Variants in GRIN2A observed in about 807,000 individuals in gnomAD.
The protein encoded by GRIN2A is glutamate receptor ionotropic, NMDA 2A.
In GRIN2A, 22 loss-of-function variants were observed where a neutral mutation model predicts 113.4. That is an observed-to-expected ratio of 0.19 (90% confidence interval 0.14 to 0.28). The LOEUF is 0.28. Ranked by LOEUF, GRIN2A falls within the 10% of genes least tolerant of loss-of-function variation. The pLI is 1.00. For missense variants in GRIN2A, 1,502 were observed against 1,887.0 expected, an observed-to-expected ratio of 0.80 and a Z score of 3.78; for synonymous variants, 827 against 738.4, an observed-to-expected ratio of 1.12 and a Z score of -1.94.
At chr16:10,167,495 G>C (rs2049948727) in intron 2 of GRIN2A, among the ~76,000 whole-genome samples, 1 of 152,104 alleles carries the variant, frequency 6.6e-6, no homozygotes, top group Non-Finnish European at 1.5e-5. Context: ...AGGGATTGTA[G>C]TTTAAGAGAA....
chr16:9,855,205 C>CT (rs1427407073), intron 4 of GRIN2A, among the ~76,000 whole-genome samples: 2 of 152,146 alleles, frequency 1.3e-5, no homozygotes, highest in Admixed American at 6.5e-5. Context: ...CTTGTCACTG[C>CT]TTTAGCCATG....
intron 2 of GRIN2A, among the ~76,000 whole-genome samples, chr16:10,138,076 G>C (rs1478871866): frequency 2.6e-5 from 4 of 152,190 alleles, no homozygotes; most frequent in African/African-American, 9.7e-5. Flanking sequence ...CCCTAGTTCT[G>C]TCATCACCAA....
At chr16:9,832,527 A>G (rs976511173) in intron 8 of GRIN2A, among the ~76,000 whole-genome samples, 1 of 152,160 alleles carries the variant, frequency 6.6e-6, no homozygotes, top group East Asian at 1.9e-4. Context: ...TATTTTCACA[A>G]CTAAATTCTA....
chr16:10,141,904 G>A (rs1223590365), intron 2 of GRIN2A, among the ~76,000 whole-genome samples: 3 of 152,208 alleles, frequency 2.0e-5, no homozygotes, highest in Admixed American at 6.5e-5. Context: ...TATGACTCCA[G>A]CTGAGAGTGC....
chr16:9,837,012 A>C (rs965497105), intron 7 of GRIN2A, among the ~76,000 whole-genome samples: 4 of 152,228 alleles, frequency 2.6e-5, no homozygotes, highest in African/African-American at 9.6e-5. Context: ...GCTTAGAGGC[A>C]TTACCTGCAA....
intron 10 of GRIN2A, among the ~76,000 whole-genome samples, chr16:9,806,196 T>A (rs1209138601): frequency 6.6e-6 from 1 of 152,224 alleles, no homozygotes; most frequent in Non-Finnish European, 1.5e-5. Flanking sequence ...AATATTTGCT[T>A]CATTGATCAG....
chr16:9,808,104 G>C (rs751992718), intron 10 of GRIN2A, among the ~76,000 whole-genome samples: 1 of 152,166 alleles, frequency 6.6e-6, no homozygotes, highest in Non-Finnish European at 1.5e-5. Flanking sequence ...ATTTCACGAA[G>C]CATAGCGTTT....
At position 10,074,067 on chromosome 16, in the gene GRIN2A, G is replaced by C. The variant is rs191409574; in HGVS notation, c.414+105931C>G. Among the ~76,000 whole-genome samples, 382 of 152,124 alleles carry C rather than the reference G, an allele frequency of 2.5e-3. 1 individual carries two copies. The highest frequency in any genetic ancestry group is 8.7e-3 in the African/African-American group (363 of 41,486). ...ACTCCGTTTTTAAAAAAGGCAAAGG[G>C]TCTCAATAGACATTTCTTACAAGAT... On this transcript the variant is annotated intron_variant, in intron 2 of 12. Transcript: ENST00000330684.
At chr16:9,804,535 G>A (rs574689232) in intron 10 of GRIN2A, among the ~76,000 whole-genome samples, 23 of 152,156 alleles carry the variant, frequency 1.5e-4, no homozygotes, top group East Asian at 7.8e-4. Context: ...GCAGGAGGAC[G>A]TTCAGAGGTC....
At chr16:10,132,089 T>C (rs991684043) in intron 2 of GRIN2A, among the ~76,000 whole-genome samples, 1 of 152,102 alleles carries the variant, frequency 6.6e-6, no homozygotes. Context: ...CCCAGCACTT[T>C]GGGAGACTCA....
intron 2 of GRIN2A, among the ~76,000 whole-genome samples, chr16:10,101,494 A>G (rs74008322): frequency 0.046 from 7,009 of 152,296 alleles, 278 homozygotes; most frequent in African/African-American, 0.11. Context: ...ACTGCCAGGA[A>G]GCTTTCTGAG....
chr16:9,782,413 A>G (rs1366576480), intron 11 of GRIN2A, among the ~76,000 whole-genome samples: 1 of 152,182 alleles, frequency 6.6e-6, no homozygotes, highest in African/African-American at 2.4e-5. Context: ...CCTCCACAAT[A>G]CTGAGGGACA....
Position 9,759,442 on chromosome 16 carries a change from G to C in GRIN2A, c.*3707C>G, listed in dbSNP as rs1053266359. The C allele has an allele frequency of 7.1e-5, 16 of 225,494 alleles. No individual in the cohort carries two copies. Among genetic ancestry groups the C allele is most frequent in the Admixed American group, 2.3e-4 (4 of 17,542 alleles). 14.0% of individuals were successfully genotyped at this position (225,494 alleles called of 1,614,324 possible). ...AATGTGTGACTATATGACAGCTGTGGATCTTTTGACTAATTAACTGCCTTG... is the reference window on the plus strand; with the variant it reads ...AATGTGTGACTATATGACAGCTGTGCATCTTTTGACTAATTAACTGCCTTG... On this transcript the variant is annotated 3_prime_UTR_variant, in exon 13 of 13. Coordinates refer to ENST00000330684, the MANE Select transcript of GRIN2A (RefSeq NM_001134407.3).
At chr16:10,128,723 C>G (rs752767453) in intron 2 of GRIN2A, among the ~76,000 whole-genome samples, 1 of 152,208 alleles carries the variant, frequency 6.6e-6, no homozygotes, top group Non-Finnish European at 1.5e-5. Context: ...CTATAAAGCA[C>G]CATGCGCCAA....
chr16:9,798,865 C>A (rs1374124106), intron 10 of GRIN2A, among the ~76,000 whole-genome samples: 1 of 152,126 alleles, frequency 6.6e-6, no homozygotes, highest in Non-Finnish European at 1.5e-5. Context: ...GGGAAAGGAA[C>A]TAAATAGGAA....
At chr16:10,157,310 G>A (rs2049718146) in intron 2 of GRIN2A, among the ~76,000 whole-genome samples, 1 of 152,158 alleles carries the variant, frequency 6.6e-6, no homozygotes, top group South Asian at 2.1e-4. Flanking sequence ...AAGTATGCAG[G>A]ATAAAACTCT....
intron 3 of GRIN2A, among the ~76,000 whole-genome samples, chr16:9,891,603 A>T (rs892442939): frequency 2.6e-5 from 4 of 152,230 alleles, no homozygotes; most frequent in Non-Finnish European, 2.9e-5. Flanking sequence ...AAGGGGGAGG[A>T]TAGTCATGAA....
intron 2 of GRIN2A, among the ~76,000 whole-genome samples, chr16:10,104,807 C>A (rs1408867679): frequency 1.3e-5 from 2 of 152,080 alleles, no homozygotes; most frequent in African/African-American, 4.8e-5. Context: ...GGGCCGCAGT[C>A]GACGGCAGGG....
intron 3 of GRIN2A, among the ~76,000 whole-genome samples, chr16:9,920,669 G>C (rs1441478806): frequency 6.6e-6 from 1 of 151,072 alleles, no homozygotes; most frequent in East Asian, 2.0e-4. Context: ...AGGTTCAAAC[G>C]ATTCCCCTGC....
Sources: allele counts gnomAD v4.1 joint callset (sites outside exome capture counted in the v4.1 genomes callset), GRCh38; gene constraint gnomAD v4.1.1; transcripts MANE v1.5; gene names NCBI Gene and HGNC (gene_info 2026-07-23, HGNC 2026-07-21).